The following JADE1 variants were observed in gnomAD, a reference collection of about 807,000 sequenced individuals.
JADE1 encodes jade family PHD finger 1, also known as protein Jade-1.
JADE1 carries 14 observed loss-of-function variants against 81.8 expected under a neutral mutation model. The ratio of observed to expected loss-of-function variants is 0.17; its 90% CI spans 0.11 to 0.27. JADE1 has a LOEUF of 0.27. JADE1 is among the 10% of genes least tolerant of loss of function. The pLI, the probability that JADE1 is intolerant of heterozygous loss-of-function variation, is 1.00. For missense variants in JADE1, 690 were observed against 1,047.9 expected, an observed-to-expected ratio of 0.66 and a Z score of 4.71; for synonymous variants, 353 against 391.9, an observed-to-expected ratio of 0.90 and a Z score of 1.17.
In JADE1 at chr4:128,847,025, G is replaced by C. The variant is rs77953391; in HGVS notation, c.296+493G>C. Among the ~76,000 whole-genome samples, 156 of 152,324 alleles carry C rather than the reference G, an allele frequency of 1.0e-3. 1 individual carries two copies. In the East Asian group the frequency reaches 0.023, roughly 22 times the overall value. ...GGAGACCTGTCAGTTAGGGTTTGTG[G>C]AGAGGGGAGTTTTGGAGGGATTTAT... On this transcript the variant is annotated intron_variant, in intron 4 of 10. Coordinates refer to ENST00000226319, the MANE Select transcript of JADE1 (RefSeq NM_199320.4).
chr4:128,867,721 T>C (rs1378188223), intron 9 of JADE1, 135 bp from the exon 10 acceptor site: 2 of 523,514 alleles, frequency 3.8e-6, no homozygotes, highest in Non-Finnish European at 6.9e-6. Flanking sequence ...ATAAAATGTT[T>C]AAAGTACCTA....
intron 1 of JADE1, among the ~76,000 whole-genome samples, chr4:128,829,658 A>T (rs1728366520): frequency 6.6e-6 from 1 of 152,172 alleles, no homozygotes; most frequent in African/African-American, 2.4e-5. Flanking sequence ...TATGTGCCAG[A>T]TGTGGGTAAA....
intron 1 of JADE1, chr4:128,831,494 A>G (rs1002009315): frequency 4.1e-5 from 21 of 511,096 alleles, no homozygotes; most frequent in African/African-American, 3.1e-4. Flanking sequence ...GAAACCTGGC[A>G]TCTTTGGGAG....
intron 9 of JADE1, chr4:128,862,434 T>C (rs1387539927): frequency 7.1e-7 from 1 of 1,400,116 alleles, no homozygotes; most frequent in South Asian, 1.7e-5. Flanking sequence ...GGAGCTTCTT[T>C]GTGGTTTTTT....
intron 1 of JADE1, among the ~76,000 whole-genome samples, chr4:128,810,796 T>G (rs890505977): frequency 2.0e-5 from 3 of 151,942 alleles, no homozygotes; most frequent in Non-Finnish European, 1.5e-5. Context: ...GGGCTTCCAG[T>G]GATCAGATCT....
chr4:128,852,307 G>A lies in JADE1; in HGVS notation c.696+39G>A, dbSNP rs200051085. 2.0e-5 allele frequency: 31 copies of A among 1,542,466 alleles called. No individual in the cohort carries two copies. In the East Asian group the frequency reaches 6.3e-4, roughly 31 times the overall value. Reference sequence around the variant, plus strand: ...GGAGGCCAGAAAGAAGAAACCTGGGGCATGAGCCTGTCTGCTGTGGGAGTG... The same window carrying A: ...GGAGGCCAGAAAGAAGAAACCTGGGACATGAGCCTGTCTGCTGTGGGAGTG... On this transcript the variant is annotated intron_variant, in intron 6 of 10. Coordinates refer to ENST00000226319, the MANE Select transcript of JADE1 (RefSeq NM_199320.4).
chr4:128,869,835 C>T (rs1732056698), intron 10 of JADE1, among the ~76,000 whole-genome samples: 1 of 152,144 alleles, frequency 6.6e-6, no homozygotes, highest in Non-Finnish European at 1.5e-5. Context: ...AGTTGAAACC[C>T]TTTAGGGTGC....
In JADE1 at chr4:128,873,007, G is replaced by C. The variant is rs746915177; in HGVS notation, c.*745G>C. 4.8e-5 allele frequency: 21 copies of C among 437,542 alleles called. No individual in the cohort carries two copies. Among genetic ancestry groups the C allele is most frequent in the Non-Finnish European group, 1.9e-5 (4 of 215,128 alleles). 27.1% of individuals were successfully genotyped at this position (437,542 alleles called of 1,614,324 possible). A position where few individuals can be genotyped will look rare whatever the true frequency, so the allele number is the denominator to read the frequency against. On this transcript the variant is annotated 3_prime_UTR_variant, in exon 11 of 11. Transcript: ENST00000226319. ...TAGGAAAGTTGTATCTATGAATAAG[G>C]GCAGTTGAAGTAGAATTTTTACCAG... is the stretch of plus-strand genomic sequence containing the variant.
At chr4:128,826,863 C>G (rs943227632) in intron 1 of JADE1, among the ~76,000 whole-genome samples, 1 of 152,224 alleles carries the variant, frequency 6.6e-6, no homozygotes, top group South Asian at 2.1e-4. Context: ...TCACGCTCCT[C>G]CGGTCCTCCG....
intron 6 of JADE1, among the ~76,000 whole-genome samples, chr4:128,852,991 G>T (rs929604483): frequency 6.6e-6 from 1 of 151,708 alleles, no homozygotes; most frequent in East Asian, 1.9e-4. Flanking sequence ...CGCCTCCTGG[G>T]TTCAAGTGAT....
intron 1 of JADE1, among the ~76,000 whole-genome samples, chr4:128,827,483 G>GT (rs1381443232): frequency 6.6e-6 from 1 of 152,182 alleles, no homozygotes; most frequent in South Asian, 2.1e-4. Context: ...TAAGCAGAGT[G>GT]TTCAGGGAAG....
chr4:128,872,072 G>C lies in JADE1; in HGVS notation c.2339G>C (p.Gly780Ala). 6.2e-7 allele frequency: 1 copy of C among 1,614,120 alleles called. No individual in the cohort carries two copies. The highest frequency in any genetic ancestry group is 8.5e-7 in the Non-Finnish European group (1 of 1,180,010). Reference sequence around the variant, plus strand: ...CAGCACTCAGACTACCCATATTTGGGCTTAGGCCGAGTTCCAGCCAAGGAA... The same window carrying C: ...CAGCACTCAGACTACCCATATTTGGCCTTAGGCCGAGTTCCAGCCAAGGAA... ...CHQHSDYPYL[G>A]LGRVPAKERA... Residue 780 changes from glycine (G) to alanine (A), a missense_variant, in exon 11 of 11, where the codon GGC becomes GCC. Coordinates refer to ENST00000226319, the MANE Select transcript of JADE1 (RefSeq NM_199320.4).
At chr4:128,841,720 G>A (rs1439355684) in intron 2 of JADE1, among the ~76,000 whole-genome samples, 1 of 152,198 alleles carries the variant, frequency 6.6e-6, no homozygotes, top group Non-Finnish European at 1.5e-5. Context: ...CTCTGGGTGT[G>A]CTGGGTAAGA....
chr4:128,811,665 C>T (rs1159946867), intron 1 of JADE1, among the ~76,000 whole-genome samples: 1 of 146,224 alleles, frequency 6.8e-6, no homozygotes, highest in Non-Finnish European at 1.5e-5. Flanking sequence ...CGGGGACGCC[C>T]GGCCCGCCGC....
chr4:128,846,643 G>A lies in JADE1; in HGVS notation c.296+111G>A, dbSNP rs901863871. The A allele has an allele frequency of 2.6e-6, 3 of 1,170,366 alleles. No homozygotes were observed. In the African/African-American group the frequency reaches 4.6e-5, roughly 18 times the overall value. The allele number at this position is 1,170,366 out of a possible 1,614,324, so 72.5% of individuals were successfully genotyped here. A position where few individuals can be genotyped will look rare whatever the true frequency, so the allele number is the denominator to read the frequency against. On this transcript the variant is annotated intron_variant, in intron 4 of 10. Transcript: ENST00000226319. This position sits in a 1 kb window ranked among gnomAD's most constrained non-coding sequence, Gnocchi z 4.0. ...GTGGGAAGAGACAGTTTCTGAGTTA[G>A]CATTAAAATATCATGAGGCCTCAAG...
intron 1 of JADE1, among the ~76,000 whole-genome samples, chr4:128,830,914 GGGA>G (rs1728498186): frequency 6.6e-6 from 1 of 152,172 alleles, no homozygotes; most frequent in Admixed American, 6.5e-5. Context: ...TCAGCTACCT[GGGA>G]GGAGTTGGCC....
chr4:128,850,685 T>A (rs1730276854), intron 5 of JADE1, among the ~76,000 whole-genome samples: 1 of 152,202 alleles, frequency 6.6e-6, no homozygotes, highest in Non-Finnish European at 1.5e-5. Flanking sequence ...GATGATACAG[T>A]TTCTGCTGTG....
chr4:128,855,749 T>G lies in JADE1; in HGVS notation c.816T>G (p.Arg272=). The change falls in exon 7 of 11, where the codon CGT becomes CGG. Residue 272 remains arginine (R), a synonymous_variant. Coordinates refer to ENST00000226319, the MANE Select transcript of JADE1 (RefSeq NM_199320.4). The stretch of plus-strand genomic sequence containing the variant: ...AGGGTGGAGCTATGAAGCCCACCCG[T>G]AGCGGAACCAAGTGGGTCCACGTTA... ...PKKGGAMKPT[R]SGTKWVHVSC... is the part of the protein sequence containing the mutation. 3 of 1,614,086 alleles carry G rather than the reference T, an allele frequency of 1.9e-6. No homozygotes were observed. The highest frequency in any genetic ancestry group is 2.5e-6 in the Non-Finnish European group (3 of 1,179,948).
At chr4:128,849,190 A>G (rs778863507) in intron 5 of JADE1, 23 bp downstream of exon 5, 2 of 1,571,006 alleles carry the variant, frequency 1.3e-6, no homozygotes, top group Non-Finnish European at 8.7e-7. Context: ...GTATTCTATT[A>G]TTTTATTAAC....
Sources: gnomAD v4.1 joint callset for allele counts (sites outside exome capture counted in the v4.1 genomes callset) on GRCh38, gnomAD v4.1.1 for gene constraint, Gnocchi (gnomAD v3.1) non-coding constraint, MANE v1.5 for transcripts, NCBI Gene and HGNC (gene_info 2026-07-23, HGNC 2026-07-21) for gene names.